The following GPR155 variants were observed in gnomAD, a reference collection of about 807,000 sequenced individuals.
The protein encoded by GPR155 is G protein-coupled receptor 155, also known as lysosomal cholesterol signaling protein.
A neutral mutation model predicts 93.1 loss-of-function variants in GPR155; 65 were observed. That is an observed-to-expected ratio of 0.70 (90% CI 0.57 to 0.86). GPR155 has a LOEUF of 0.86. GPR155 is among the 40% of genes least tolerant of loss of function. The pLI is 0.00. For synonymous variants in GPR155, 319 were observed against 360.1 expected (o/e 0.89, Z 1.29); for missense variants, 838 against 1,034.8 (o/e 0.81, Z 2.61).
At chr2:174,438,214 G>A (rs949554684) in intron 15 of GPR155, among the ~76,000 whole-genome samples, 1 of 151,984 alleles carries the variant, frequency 6.6e-6, no homozygotes, top group Admixed American at 6.5e-5. Flanking sequence ...CAGCCTGGGC[G>A]ATGGGAGTAA....
At chr2:174,456,307 A>ATT (rs112330863) in intron 10 of GPR155, among the ~76,000 whole-genome samples, 23 of 141,892 alleles carry the variant, frequency 1.6e-4, no homozygotes, top group African/African-American at 4.1e-4. Context: ...CCTAGGTATA[A>ATT]TTTTTTTTTT....
rs1688323121 is a variant in GPR155 at position 174,481,625 on chromosome 2, G to C, written c.332C>G (p.Ala111Gly). 2 of 1,613,380 alleles carry C rather than the reference G, an allele frequency of 1.2e-6. No homozygotes were observed. The highest frequency in any genetic ancestry group is 1.7e-5 in the Admixed American group (1 of 59,998). The change falls in exon 2 of 16, where the codon GCT becomes GGT. Residue 111 changes from alanine to glycine, a missense_variant. Physicochemically the swap from Ala to Gly is moderately conservative, Grantham distance 60 (BLOSUM62 0). This residue lies in a region of GPR155 where 663 missense variants were observed against 790.1 expected (regional missense o/e 0.84). Coordinates refer to ENST00000392552, the MANE Select transcript of GPR155 (RefSeq NM_152529.7). ...TACACATACAATGAAAAATACAGAA[G>C]CTTTGGCAATTAAGATACTATATAG... ...SFLYSILIAK[A>G]SVFFIVCVLT...
Position 174,486,428 on chromosome 2 carries a change from C to T in GPR155, c.-32+445G>A, listed in dbSNP as rs148752193. On this transcript the variant is annotated intron_variant, in intron 1 of 15. Transcript: ENST00000392552. ...AAGGTGGTCGCTAGTCTTCCCAGGG[C>T]ACGGGAGTCACAACGTCATGGTAAC... Among the ~76,000 whole-genome samples, 517 of 152,322 alleles carry T rather than the reference C, an allele frequency of 3.4e-3. 3 individuals are homozygous for T. The highest frequency in any genetic ancestry group is 0.012 in the African/African-American group (481 of 41,570).
chr2:174,444,486 C>CTTTTT (rs71024807), intron 13 of GPR155, among the ~76,000 whole-genome samples: 6 of 89,588 alleles, frequency 6.7e-5, no homozygotes, highest in Non-Finnish European at 1.3e-4. Flanking sequence ...CCAAAGTGAC[C>CTTTTT]TTTTTTTTTT....
intron 10 of GPR155, among the ~76,000 whole-genome samples, chr2:174,456,235 A>G (rs1265824583): frequency 1.3e-5 from 2 of 152,154 alleles, no homozygotes; most frequent in South Asian, 2.1e-4. Context: ...GGAACAAAGT[A>G]CAAAGGGTTC....
At position 174,459,493 on chromosome 2, in the gene GPR155, C is replaced by T. The variant is rs181329094; in HGVS notation, c.1771+385G>A. On this transcript the variant is annotated intron_variant, in intron 10 of 15. Transcript: ENST00000392552. ...AGCACTCATGATATTCAAACTAGTT[C>T]AAGGAAGTTTCCCATAAACAAAACA... Among the ~76,000 whole-genome samples, 21 of 152,282 alleles carry T rather than the reference C, an allele frequency of 1.4e-4. No individual in the cohort carries two copies. The East Asian group carries it at 3.9e-3, about 28-fold the overall frequency.
chr2:174,454,947 G>C (rs1687468894), intron 10 of GPR155, among the ~76,000 whole-genome samples: 1 of 152,122 alleles, frequency 6.6e-6, no homozygotes, highest in Non-Finnish European at 1.5e-5. Context: ...GGGTGGCAGG[G>C]ATGGGGTCAA....
intron 11 of GPR155, among the ~76,000 whole-genome samples, chr2:174,451,792 T>A (rs569056902): frequency 2.0e-3 from 299 of 152,168 alleles, no homozygotes; most frequent in Non-Finnish European, 3.2e-3. Flanking sequence ...ATTACAGGCA[T>A]GAGCCACTGC....
Position 174,461,629 on chromosome 2 carries a change from C to T in GPR155, c.1428G>A (p.Arg476=), listed in dbSNP as rs760398018. 4.3e-6 allele frequency: 7 copies of T among 1,611,486 alleles called. No homozygotes were observed. Among genetic ancestry groups the T allele is most frequent in the Non-Finnish European group, 5.1e-6 (6 of 1,177,888 alleles). ...ISLFLLKKRE[R]VQIPVGIIII... is the part of the protein sequence containing the mutation. ...TGATTATTCCAACAGGAATTTGTAC[C>T]CTCTCTCGCTTTTTCAAAAGAAACA... The change falls in exon 8 of 16, where the codon AGG becomes AGA. Residue 476 remains arginine, a synonymous_variant. Coordinates refer to ENST00000392552, the MANE Select transcript of GPR155 (RefSeq NM_152529.7).
At chr2:174,448,244 C>T (rs1468354456) in intron 11 of GPR155, among the ~76,000 whole-genome samples, 3 of 152,078 alleles carry the variant, frequency 2.0e-5, no homozygotes, top group Non-Finnish European at 4.4e-5. Flanking sequence ...GGCATGGTGG[C>T]GGCCGCCTGT....
rs1439450425 is a variant in GPR155 at position 174,453,769 on chromosome 2, G to T, written c.1844C>A (p.Thr615Asn). The part of the protein sequence containing the change: ...PSIEPIANTS[T>N]SEPVIPSFEK... The stretch of plus-strand genomic sequence containing the variant: ...AAACGAAGGAATCACAGGCTCACTG[G>T]TGCTTGTGTTTGCTATTGGCTCTAT... Residue 615 changes from threonine (T) to asparagine (N), a missense_variant, in exon 11 of 16, where the codon ACC becomes AAC. Thr to Asn is a moderately conservative substitution (Grantham distance 65, BLOSUM62 0). Coordinates refer to ENST00000392552, the MANE Select transcript of GPR155 (RefSeq NM_152529.7). The T allele has an allele frequency of 6.2e-7, 1 of 1,613,162 alleles. No individual in the cohort carries two copies. The highest frequency in any genetic ancestry group is 8.5e-7 in the Non-Finnish European group (1 of 1,179,268).
rs185339903 is a variant in GPR155 at position 174,436,374 on chromosome 2, G to T, written c.2355C>A (p.Asp785Glu). ...CGACTTCAATTAGCCAGCTCACCAG[G>T]TCACAGCCACAGAAAGTTCCAGCAG... ...KTSAGTFCGC[D>E]LVSWLIEVGL... Residue 785 changes from aspartate to glutamate, a missense_variant, in exon 16 of 16, where the codon GAC becomes GAA. This residue lies in a region of GPR155 where 146 missense variants were observed against 177.5 expected (regional missense o/e 0.82). Transcript: ENST00000392552. 6.8e-6 allele frequency: 11 copies of T among 1,614,136 alleles called. No homozygotes were observed. The East Asian group carries it at 2.5e-4, about 36-fold the overall frequency.
In GPR155 at chr2:174,473,175, T is replaced by A. The variant is rs574415663; in HGVS notation, c.650A>T (p.Asn217Ile). ...AATGAAGACCATAAATACTATTGGG[T>A]TCTGTAATACACGCAGGAGTCCGAG... The part of the protein sequence containing the change: ...VGLGLLRVLQ[N>I]PIVFMVFIGI... Residue 217 changes from asparagine (N) to isoleucine (I), a missense_variant, in exon 3 of 16, where the codon AAC becomes ATC. Transcript: ENST00000392552. 2.1e-4 allele frequency: 333 copies of A among 1,613,194 alleles called. 3 individuals are homozygous for A. The South Asian group carries it at 3.4e-3, about 16-fold the overall frequency.
In GPR155 at chr2:174,431,965, AAG is replaced by A. The variant is rs1448819797; in HGVS notation, c.*4149_*4150del. On this transcript the variant is annotated 3_prime_UTR_variant, in exon 16 of 16. Transcript: ENST00000392552. ...AAAACAATTGACTATGCTGAAGAAAAAGAGATAGGTTTTAATCAAAATTTTAT... is the reference window on the plus strand; with the variant it reads ...AAAACAATTGACTATGCTGAAGAAAAAGATAGGTTTTAATCAAAATTTTAT... The A allele has an allele frequency of 2.0e-5, 3 of 152,220 alleles. No individual in the cohort carries two copies. Among genetic ancestry groups the A allele is most frequent in the Admixed American group, 6.5e-5 (1 of 15,294 alleles). 9.4% of individuals were successfully genotyped at this position (152,220 alleles called of 1,614,324 possible).
At chr2:174,438,291 G>A (rs1239860044) in intron 15 of GPR155, among the ~76,000 whole-genome samples, 1 of 152,014 alleles carries the variant, frequency 6.6e-6, no homozygotes, top group Non-Finnish European at 1.5e-5. Flanking sequence ...CAGAGAATGT[G>A]ACACTGTACA....
chr2:174,476,908 G>A (rs1445714710), intron 2 of GPR155, among the ~76,000 whole-genome samples: 1 of 152,062 alleles, frequency 6.6e-6, no homozygotes, highest in Admixed American at 6.6e-5. Flanking sequence ...CCCCTCCTCT[G>A]GTATTCTGTA....
At chr2:174,449,355 T>C (rs1687250247) in intron 11 of GPR155, among the ~76,000 whole-genome samples, 1 of 152,182 alleles carries the variant, frequency 6.6e-6, no homozygotes, top group Non-Finnish European at 1.5e-5. Context: ...GACTACCATA[T>C]GACCCAGCAA....
chr2:174,468,734 T>C (rs948600741), intron 5 of GPR155, among the ~76,000 whole-genome samples, 178 bp downstream of exon 5: 8 of 152,244 alleles, frequency 5.3e-5, no homozygotes, highest in African/African-American at 1.9e-4. Context: ...TATAGAACTC[T>C]AACTCCCAAA....
chr2:174,450,782 G>T (rs1288846967), intron 11 of GPR155, among the ~76,000 whole-genome samples: 1 of 152,058 alleles, frequency 6.6e-6, no homozygotes, highest in African/African-American at 2.4e-5. Context: ...CAAGCTAAAA[G>T]AAAAAATTTG....
Sources: gnomAD v4.1 joint callset for allele counts (sites outside exome capture counted in the v4.1 genomes callset) on GRCh38, gnomAD v4.1.1 for gene constraint, gnomAD v4.1.1 regional missense constraint, MANE v1.5 for transcripts, NCBI Gene and HGNC (gene_info 2026-07-23, HGNC 2026-07-21) for gene names.